Variants in PI15 observed in about 807,000 individuals in gnomAD.
PI15 encodes the protein 25 kDa trypsin inhibitor.
A neutral mutation model predicts 31.0 loss-of-function variants in PI15; 18 were observed. That is an observed-to-expected ratio of 0.58 (90% CI 0.40 to 0.86). The LOEUF is 0.86. Ranked by LOEUF, PI15 falls within the 40% of genes least tolerant of loss-of-function variation. The probability of loss-of-function intolerance (pLI) is 0.00; values close to 1 mark genes in which losing one functional copy is unlikely to be tolerated. For missense variants in PI15, 282 were observed against 328.1 expected, an observed-to-expected ratio of 0.86 and a Z score of 1.09; for synonymous variants, 118 against 119.1, an observed-to-expected ratio of 0.99 and a Z score of 0.06.
At chr8:74,826,251 GT>G in intron 2 of PI15, 1 of 900,642 alleles carries the variant, frequency 1.1e-6, no homozygotes, top group Non-Finnish European at 1.3e-6. Context: ...TTTTTATTTG[GT>G]TTTGAATTTA....
At chr8:74,825,880 C>T (rs28632146) in intron 2 of PI15, among the ~76,000 whole-genome samples, 7 of 152,034 alleles carry the variant, frequency 4.6e-5, no homozygotes, top group African/African-American at 1.7e-4. Flanking sequence ...GTCACATGAA[C>T]TTTTTCTGTG....
chr8:74,832,466 ATAGGTGCATTATTTTATACCTGGGAATC>A (rs968243483), intron 2 of PI15, among the ~76,000 whole-genome samples: 3 of 152,102 alleles, frequency 2.0e-5, no homozygotes, highest in African/African-American at 7.2e-5. Flanking sequence ...TGGAGACAGC[ATAGGTGCATTATTTTATACCTGGGAATC>A]TACTCAACAA....
Position 74,849,260 on chromosome 8 carries a change from C to T in PI15, c.*7C>T. On this transcript the variant is annotated 3_prime_UTR_variant, in exon 6 of 6. Coordinates refer to ENST00000260113, the MANE Select transcript of PI15 (RefSeq NM_015886.5). Reference sequence around the variant, plus strand: ...CCTGTACTGGTTTAAATAAGTTTACCTTTTCCTCCAGGAAATATAATGATT... The same window carrying T: ...CCTGTACTGGTTTAAATAAGTTTACTTTTTCCTCCAGGAAATATAATGATT... The T allele has an allele frequency of 6.2e-7, 1 of 1,606,182 alleles. No individual in the cohort carries two copies.
chr8:74,845,039 C>A, intron 3 of PI15, 89 bp from the exon 4 acceptor site: 2 of 1,138,260 alleles, frequency 1.8e-6, no homozygotes, highest in Non-Finnish European at 2.6e-6. Flanking sequence ...GAATAATCTG[C>A]AAAAAGAACA....
intron 2 of PI15, among the ~76,000 whole-genome samples, chr8:74,835,890 A>T (rs1056309331): frequency 1.3e-5 from 2 of 152,188 alleles, no homozygotes; most frequent in Non-Finnish European, 2.9e-5. Context: ...GTATTCCTTC[A>T]TTAATTTATC....
At chr8:74,843,245 T>C (rs1380102260) in intron 2 of PI15, among the ~76,000 whole-genome samples, 1 of 152,200 alleles carries the variant, frequency 6.6e-6, no homozygotes, top group Non-Finnish European at 1.5e-5. Context: ...GTCCCCAAGT[T>C]ACAACTAGTT....
chr8:74,844,952 C>T (rs1221981888), intron 3 of PI15, 176 bp from the exon 4 acceptor site: 5 of 600,006 alleles, frequency 8.3e-6, no homozygotes, highest in Middle Eastern at 4.3e-4. Context: ...CCATGCTTGG[C>T]CCTAGTTGGA....
At chr8:74,826,749 C>T (rs1478585062) in intron 2 of PI15, among the ~76,000 whole-genome samples, 2 of 151,988 alleles carry the variant, frequency 1.3e-5, no homozygotes, top group African/African-American at 2.4e-5. Flanking sequence ...TTCATCATCT[C>T]TAATATGAAG....
At chr8:74,840,941 T>C (rs773231600) in intron 2 of PI15, among the ~76,000 whole-genome samples, 47 of 152,318 alleles carry the variant, frequency 3.1e-4, no homozygotes, top group Non-Finnish European at 6.0e-4. Context: ...CACATCTAAG[T>C]TCCTTATAAT....
At chr8:74,839,195 T>C (rs967319359) in intron 2 of PI15, among the ~76,000 whole-genome samples, 9 of 152,240 alleles carry the variant, frequency 5.9e-5, no homozygotes, top group African/African-American at 2.2e-4. Context: ...TGTCATGTCT[T>C]AGTTTGGTGG....
chr8:74,843,904 T>C, intron 2 of PI15, 77 bp from the exon 3 acceptor site: 2 of 795,030 alleles, frequency 2.5e-6, no homozygotes, highest in East Asian at 2.4e-5. Flanking sequence ...TAGGAAATAG[T>C]AGCACCATTT....
intron 3 of PI15, 184 bp from the exon 4 acceptor site, chr8:74,844,944 A>G: frequency 3.4e-6 from 2 of 587,278 alleles, no homozygotes; most frequent in South Asian, 2.2e-5. Context: ...GGCCATTTCC[A>G]TGCTTGGCCC....
Position 74,852,260 on chromosome 8 carries a change from T to A in PI15, c.*3007T>A, listed in dbSNP as rs1811118514. The A allele has an allele frequency of 6.6e-6, 1 of 152,022 alleles. No individual in the cohort carries two copies. The highest frequency in any genetic ancestry group is 1.5e-5 in the Non-Finnish European group (1 of 67,940). 9.4% of individuals were successfully genotyped at this position (152,022 alleles called of 1,614,324 possible). ...TTTTTTTATATGACCAGTAGAAAAA[T>A]TTTAATATTCTCACAATATAGGTTT... On this transcript the variant is annotated 3_prime_UTR_variant, in exon 6 of 6. Transcript: ENST00000260113.
intron 2 of PI15, among the ~76,000 whole-genome samples, chr8:74,833,016 T>A (rs912570168): frequency 6.6e-6 from 1 of 152,120 alleles, no homozygotes; most frequent in Admixed American, 6.6e-5. Flanking sequence ...TCCAGAGAGA[T>A]CATGTTTTCA....
chr8:74,841,048 T>C (rs1810938178), intron 2 of PI15, among the ~76,000 whole-genome samples: 1 of 152,158 alleles, frequency 6.6e-6, no homozygotes, highest in Non-Finnish European at 1.5e-5. Flanking sequence ...AATATATGAA[T>C]GAGTATAAAG....
intron 2 of PI15, among the ~76,000 whole-genome samples, chr8:74,826,056 C>G (rs1810694283): frequency 6.6e-6 from 1 of 152,054 alleles, no homozygotes; most frequent in Admixed American, 6.6e-5. Context: ...AACATGCTGA[C>G]TTTTTTCTCC....
intron 5 of PI15, among the ~76,000 whole-genome samples, chr8:74,848,631 G>A (rs1371218611): frequency 2.7e-5 from 4 of 150,382 alleles, no homozygotes; most frequent in East Asian, 1.9e-4. Context: ...ATCATCAGGC[G>A]TTGTAGGCAT....
chr8:74,827,260 A>AATACAT (rs3033030), intron 2 of PI15, among the ~76,000 whole-genome samples: 61,733 of 151,394 alleles, frequency 0.41, 13,036 homozygotes, highest in African/African-American at 0.49. Context: ...TGAGAATAAC[A>AATACAT]ATACTAACCA....
chr8:74,833,522 G>A (rs947221246), intron 2 of PI15, among the ~76,000 whole-genome samples: 5 of 151,682 alleles, frequency 3.3e-5, no homozygotes, highest in East Asian at 1.9e-4. Context: ...TTAAACTTCC[G>A]GCTGCCAGAT....
Sources: gnomAD v4.1 joint callset for allele counts (sites outside exome capture counted in the v4.1 genomes callset) on GRCh38, gnomAD v4.1.1 for gene constraint, MANE v1.5 for transcripts, NCBI Gene and HGNC (gene_info 2026-07-23, HGNC 2026-07-21) for gene names.